RBFOX1: variants seen among roughly 807,000 people sequenced by gnomAD.
RBFOX1 encodes RNA binding protein fox-1 homolog 1.
A neutral mutation model predicts 57.7 loss-of-function variants in RBFOX1; 8 were observed. The observed-to-expected ratio is 0.14, with a 90% CI of 0.08 to 0.25. The LOEUF is 0.25. Among genes scored for constraint, RBFOX1 ranks in the 10% least tolerant of loss-of-function variants. RBFOX1 has a pLI of 1.00. For missense variants in RBFOX1, 611 were observed against 548.5 expected (o/e 1.11, Z -1.14); for synonymous variants, 326 against 222.4 (o/e 1.47, Z -4.15).
chr16:7,179,375 C>T (rs2141899), intron 4 of RBFOX1, among the ~76,000 whole-genome samples: 59,387 of 151,880 alleles, frequency 0.39, 12,195 homozygotes, highest in African/African-American at 0.44. Flanking sequence ...TCTAAAAATC[C>T]CTTTGGGGAA....
At chr16:5,734,190 A>C (rs531005760) in intron 3 of RBFOX1, among the ~76,000 whole-genome samples, 1 of 152,186 alleles carries the variant, frequency 6.6e-6, no homozygotes, top group South Asian at 2.1e-4. Flanking sequence ...TTGGCCAGAC[A>C]TGGTGGCTTA....
chr16:6,547,664 C>T (rs1251271906), intron 2 of RBFOX1, among the ~76,000 whole-genome samples: 8 of 152,056 alleles, frequency 5.3e-5, no homozygotes, highest in African/African-American at 1.9e-4. Context: ...AATGTGATCG[C>T]TTTTTGAGGT....
intron 3 of RBFOX1, among the ~76,000 whole-genome samples, chr16:6,663,165 A>G (rs2098711857): frequency 2.0e-5 from 3 of 152,094 alleles, no homozygotes. Context: ...GGAGATGGGG[A>G]GGAGGAAGGT....
At chr16:7,655,278 G>C (rs771718584) in intron 12 of RBFOX1, among the ~76,000 whole-genome samples, 4 of 152,190 alleles carry the variant, frequency 2.6e-5, no homozygotes, top group Admixed American at 6.5e-5. Flanking sequence ...GGAAAGTTAA[G>C]GAAAAGTAGT....
intron 1 of RBFOX1, among the ~76,000 whole-genome samples, chr16:5,424,994 T>TTTCTTTCTTTCTTTCTTTTTTTCTTTC (rs58404221): frequency 1.1e-5 from 1 of 89,562 alleles, no homozygotes; most frequent in Admixed American, 1.3e-4. Context: ...TTTTCTTTTC[T>TTTCTTTCTTTCTTTCTTTTTTTCTTTC]TTTCTTTTCT....
chr16:7,691,562 C>G (rs1388271473), intron 14 of RBFOX1, among the ~76,000 whole-genome samples: 4 of 152,206 alleles, frequency 2.6e-5, no homozygotes, highest in Non-Finnish European at 5.9e-5. Context: ...CACCATCATA[C>G]TATAAAATTC....
At chr16:6,203,683 C>A (rs1489425120) in intron 1 of RBFOX1, among the ~76,000 whole-genome samples, 2 of 152,132 alleles carry the variant, frequency 1.3e-5, no homozygotes, top group African/African-American at 2.4e-5. Context: ...ACAAACCCCC[C>A]AAACAGATGA....
intron 4 of RBFOX1, among the ~76,000 whole-genome samples, chr16:7,220,305 C>T (rs905553911): frequency 6.6e-6 from 1 of 152,192 alleles, no homozygotes; most frequent in Non-Finnish European, 1.5e-5. Flanking sequence ...GACATTTCAT[C>T]ATGCTGAGTG....
At chr16:6,478,406 T>TATATATAC (rs2095309944) in intron 2 of RBFOX1, among the ~76,000 whole-genome samples, 4 of 18,882 alleles carry the variant, frequency 2.1e-4, no homozygotes, top group African/African-American at 1.3e-3. Flanking sequence ...TATATATATA[T>TATATATAC]ATATATATAT....
At chr16:5,255,212 C>T (rs550663810) in intron 1 of RBFOX1, among the ~76,000 whole-genome samples, 2 of 152,288 alleles carry the variant, frequency 1.3e-5, no homozygotes, top group African/African-American at 4.8e-5. Flanking sequence ...CCTTGCCCAC[C>T]CACCTGCAGG....
intron 3 of RBFOX1, among the ~76,000 whole-genome samples, chr16:5,662,319 C>T (rs977988407): frequency 6.6e-6 from 1 of 152,044 alleles, no homozygotes; most frequent in South Asian, 2.1e-4. Context: ...TGTGTGAACG[C>T]TCTCTCTCCA....
intron 4 of RBFOX1, among the ~76,000 whole-genome samples, chr16:7,130,269 A>G (rs1276587676): frequency 6.6e-6 from 1 of 152,046 alleles, no homozygotes; most frequent in Non-Finnish European, 1.5e-5. Context: ...TCCTGACCTC[A>G]GGTGATCTAC....
chr16:7,475,227 G>A (rs767935517), intron 4 of RBFOX1, among the ~76,000 whole-genome samples: 3 of 151,998 alleles, frequency 2.0e-5, no homozygotes, highest in Admixed American at 6.6e-5. Flanking sequence ...ACAAAAGGGA[G>A]GAGTGTGTAG....
At chr16:6,794,830 C>G (rs979514872) in intron 3 of RBFOX1, among the ~76,000 whole-genome samples, 12 of 152,106 alleles carry the variant, frequency 7.9e-5, no homozygotes, top group Non-Finnish European at 4.4e-5. Flanking sequence ...GATGCAGGCA[C>G]TGCTTTCCAA....
chr16:6,970,554 C>G (rs185247327), intron 3 of RBFOX1, among the ~76,000 whole-genome samples: 3 of 152,222 alleles, frequency 2.0e-5, no homozygotes, highest in Middle Eastern at 3.4e-3. Context: ...GAGTCTCTGC[C>G]TTATAACTGG....
In RBFOX1 at chr16:7,075,848, G is replaced by C. The variant is rs11865923; in HGVS notation, c.27+23750G>C. On this transcript the variant is annotated intron_variant, in intron 4 of 15. Transcript: ENST00000550418. The stretch of plus-strand genomic sequence containing the variant: ...GCCTGCCTCAGCTTCCCAAAGTGCT[G>C]GGATTACAGGCGTGAGCCACCGCGC... Among the ~76,000 whole-genome samples the C allele has an allele frequency of 2.2e-3, 339 of 152,118 alleles. 2 individuals are homozygous for C. Among genetic ancestry groups the C allele is most frequent in the African/African-American group, 8.0e-3 (331 of 41,512 alleles).
intron 3 of RBFOX1, among the ~76,000 whole-genome samples, chr16:6,995,290 T>TGTG (rs2092083895): frequency 5.1e-5 from 7 of 138,414 alleles, no homozygotes; most frequent in African/African-American, 1.9e-4. Flanking sequence ...GAAAGTAGCC[T>TGTG]TGTGTGTGTG....
intron 1 of RBFOX1, among the ~76,000 whole-genome samples, chr16:6,314,960 GC>G (rs2080888632): frequency 6.6e-6 from 1 of 152,162 alleles, no homozygotes; most frequent in African/African-American, 2.4e-5. Flanking sequence ...CCTTGATGGA[GC>G]CTTCCCCACT....
intron 3 of RBFOX1, among the ~76,000 whole-genome samples, chr16:6,966,512 C>T (rs903535098): frequency 1.3e-5 from 2 of 151,846 alleles, no homozygotes; most frequent in Admixed American, 6.6e-5. Flanking sequence ...GCGAGAGGGG[C>T]GGACGGGGGA....
Sources: gnomAD v4.1 joint callset for allele counts (sites outside exome capture counted in the v4.1 genomes callset) on GRCh38, gnomAD v4.1.1 for gene constraint, MANE v1.5 for transcripts, NCBI Gene and HGNC (gene_info 2026-07-23, HGNC 2026-07-21) for gene names.